The following ENOSF1 variants were observed in gnomAD, a reference collection of about 807,000 sequenced individuals.
ENOSF1 encodes the protein mitochondrial enolase superfamily member 1.
In ENOSF1, 73 loss-of-function variants were observed where a neutral mutation model predicts 68.2. That is an observed-to-expected ratio of 1.07 (90% CI 0.89 to 1.30). The LOEUF is 1.30. Among genes scored for constraint, ENOSF1 ranks in the 50% most tolerant of loss-of-function variants. The pLI is 0.00. For synonymous variants in ENOSF1, 223 were observed against 210.4 expected, an observed-to-expected ratio of 1.06 and a Z score of -0.52; for missense variants, 589 against 554.5, an observed-to-expected ratio of 1.06 and a Z score of -0.62.
chr18:684,021 T>C (rs971664697), intron 10 of ENOSF1, among the ~76,000 whole-genome samples: 1 of 149,484 alleles, frequency 6.7e-6, no homozygotes, highest in Non-Finnish European at 1.5e-5. Context: ...TGAGACAGAG[T>C]CTCGCTCTGT....
At chr18:675,772 G>A (rs1222786764) in intron 14 of ENOSF1, among the ~76,000 whole-genome samples, 1 of 151,990 alleles carries the variant, frequency 6.6e-6, no homozygotes, top group Non-Finnish European at 1.5e-5. Flanking sequence ...TTCAAGAAGC[G>A]TTTGTATTTT....
intron 10 of ENOSF1, 158 bp from the exon 11 acceptor site, chr18:683,538 A>C: frequency 1.3e-6 from 1 of 741,236 alleles, no homozygotes; most frequent in African/African-American, 1.8e-5. Flanking sequence ...CCTAACAAAA[A>C]GAGCCAGAGA....
Position 671,238 on chromosome 18 carries a change from T to C in ENOSF1, c.*3067A>G, listed in dbSNP as rs749713038. ...GCCTGGGCAACATAACAAGATGCTG[T>C]TGCTACAAAAAAATGGAAAAGCTAC... is the stretch of plus-strand genomic sequence containing the variant. On this transcript the variant is annotated 3_prime_UTR_variant, in exon 16 of 16. Transcript: ENST00000647584. 4.0e-5 allele frequency: 27 copies of C among 677,792 alleles called. No homozygotes were observed. Among genetic ancestry groups the C allele is most frequent in the Non-Finnish European group, 5.5e-5 (21 of 384,986 alleles). The allele number at this position is 677,792 out of a possible 1,614,324, so 42.0% of individuals were successfully genotyped here. A position where few individuals can be genotyped will look rare whatever the true frequency, so the allele number is the denominator to read the frequency against.
downstream of ENOSF1, among the ~76,000 whole-genome samples, chr18:666,897 T>A (rs752471287): frequency 5.3e-3 from 254 of 48,204 alleles, 28 homozygotes; most frequent in African/African-American, 8.7e-3. Context: ...CGGGAGATGG[T>A]GATGGAGATG....
chr18:669,100 G>A, downstream of ENOSF1: 1 of 1,614,208 alleles, frequency 6.2e-7, no homozygotes, highest in Non-Finnish European at 8.5e-7. Context: ...TTGACCAACT[G>A]CAAAGAGTGA....
intron 2 of ENOSF1, among the ~76,000 whole-genome samples, chr18:699,194 G>A (rs557501712): frequency 6.6e-5 from 10 of 152,194 alleles, no homozygotes; most frequent in Admixed American, 2.0e-4. Flanking sequence ...TGGACCTGGC[G>A]CTCACTCCTG....
At position 706,561 on chromosome 18, in the gene ENOSF1, G is replaced by A. The variant is rs1417742707; in HGVS notation, c.102C>T (p.Tyr34=). 6.2e-7 allele frequency: 1 copy of A among 1,613,598 alleles called. No individual in the cohort carries two copies. The highest frequency in any genetic ancestry group is 1.1e-5 in the South Asian group (1 of 91,050). Residue 34 remains tyrosine, a synonymous_variant, in exon 2 of 16, where the codon TAC becomes TAT. Transcript: ENST00000647584. ...GADAMHTDPD[Y]SAAYVVIETD... Reference sequence around the variant, plus strand: ...TTTCTATGACGACATAGGCAGCCGAGTAGTCAGGGTCCGTGTGCTGCAGGA... The same window carrying A: ...TTTCTATGACGACATAGGCAGCCGAATAGTCAGGGTCCGTGTGCTGCAGGA...
At chr18:666,963 A>ATGGTGATGGTGATGGAGATGGT (rs2074840641), downstream of ENOSF1, among the ~76,000 whole-genome samples, 1 of 15,908 alleles carries the variant, frequency 6.3e-5, no homozygotes, top group Non-Finnish European at 1.1e-4. Context: ...ATGGAGATGG[A>ATGGTGATGGTGATGGAGATGGT]GATGGTGATG....
chr18:707,403 A>G (rs910604178), intron 1 of ENOSF1, among the ~76,000 whole-genome samples: 4 of 152,232 alleles, frequency 2.6e-5, no homozygotes, highest in Non-Finnish European at 5.9e-5. Context: ...ATTCACAAGC[A>G]GCTTCAAATT....
At chr18:677,010 G>C (rs777282784) in intron 14 of ENOSF1, among the ~76,000 whole-genome samples, 12 of 152,238 alleles carry the variant, frequency 7.9e-5, no homozygotes, top group Non-Finnish European at 1.6e-4. Context: ...TCTAGACCAT[G>C]GAAGACTCCA....
intron 5 of ENOSF1, chr18:693,420 A>G: frequency 8.8e-7 from 1 of 1,137,366 alleles, no homozygotes; most frequent in South Asian, 1.9e-5. Flanking sequence ...GGCTCAAGCC[A>G]TCCTCCAGCC....
Position 677,795 on chromosome 18 carries a change from C to G in ENOSF1, c.996G>C (p.Leu332=), listed in dbSNP as rs2075664062. The change falls in exon 13 of 16, where the codon CTG becomes CTC. Residue 332 remains leucine (L), a synonymous_variant. Coordinates refer to ENST00000647584, the MANE Select transcript of ENOSF1 (RefSeq NM_017512.7). ...LQFLQIDSCR[L]GSVNENLSVL... ...CTGAGAGGTTCTCATTGACACTGCC[C>G]AGTCTGCAACTGTCAATCTGGAGGA... The G allele has an allele frequency of 4.3e-6, 7 of 1,614,030 alleles. No individual in the cohort carries two copies. The highest frequency in any genetic ancestry group is 1.3e-5 in the African/African-American group (1 of 74,928).
At chr18:686,310 G>C in intron 9 of ENOSF1, 20 of 316,746 alleles carry the variant, frequency 6.3e-5, no homozygotes, top group Non-Finnish European at 6.4e-5. Context: ...AAGGAATTAA[G>C]AACAAAAAAG....
At chr18:677,956 A>G (rs1007365004) in intron 12 of ENOSF1, 84 bp from the exon 13 acceptor site, 23 of 1,474,180 alleles carry the variant, frequency 1.6e-5, no homozygotes, top group Middle Eastern at 3.6e-4. Flanking sequence ...CAGCCACTCT[A>G]TGCCAATAAT....
intron 11 of ENOSF1, among the ~76,000 whole-genome samples, chr18:678,993 G>A (rs1347407976): frequency 3.3e-5 from 5 of 152,090 alleles, no homozygotes; most frequent in Non-Finnish European, 7.4e-5. Flanking sequence ...CTCCTTCTGC[G>A]GTGTCCCGGC....
chr18:678,783 C>T lies in ENOSF1; in HGVS notation c.877-46G>A, dbSNP rs755672093. ...TGGTGTTATTTTCCTAAGTTTTGAA[C>T]TGCAACTCCTAATGTTTAAAAACAT... On this transcript the variant is annotated intron_variant, in intron 11 of 15. Coordinates refer to ENST00000647584, the MANE Select transcript of ENOSF1 (RefSeq NM_017512.7). 6 of 1,587,256 alleles carry T rather than the reference C, an allele frequency of 3.8e-6. No individual in the cohort carries two copies. The African/African-American group carries it at 8.1e-5, about 21-fold the overall frequency.
intron 1 of ENOSF1, among the ~76,000 whole-genome samples, chr18:711,254 G>T (rs1451097511): frequency 6.6e-6 from 1 of 152,042 alleles, no homozygotes; most frequent in South Asian, 2.1e-4. Context: ...ATCTCAAAAA[G>T]GACATTGTTT....
downstream of ENOSF1, chr18:668,995 T>C (rs2074922001): frequency 1.6e-6 from 2 of 1,218,390 alleles, no homozygotes; most frequent in Admixed American, 1.8e-5. Context: ...GAGACTGTAA[T>C]AGATGACCTC....
chr18:699,953 G>A (rs1193839599), intron 2 of ENOSF1, among the ~76,000 whole-genome samples: 1 of 152,212 alleles, frequency 6.6e-6, no homozygotes, highest in African/African-American at 2.4e-5. Context: ...GGTGGCAGGT[G>A]CCTGTAATCC....
Sources: allele counts gnomAD v4.1 joint callset (sites outside exome capture counted in the v4.1 genomes callset), GRCh38; gene constraint gnomAD v4.1.1; transcripts MANE v1.5; gene names NCBI Gene and HGNC (gene_info 2026-07-23, HGNC 2026-07-21).